Variants in SLC26A8 observed in about 807,000 individuals in gnomAD.
SLC26A8 encodes the protein testis anion transporter 1.
A neutral mutation model predicts 105.0 loss-of-function variants in SLC26A8; 70 were observed. That is an observed-to-expected ratio of 0.67 (90% CI 0.55 to 0.81). The LOEUF is 0.81. Among genes scored for constraint, SLC26A8 ranks in the 40% least tolerant of loss-of-function variants. The probability of loss-of-function intolerance (pLI) is 0.00; values close to 1 mark genes in which losing one functional copy is unlikely to be tolerated. For synonymous variants in SLC26A8, 415 were observed against 438.3 expected (o/e 0.95, Z 0.66); for missense variants, 998 against 1,181.8 (o/e 0.84, Z 2.28).
At chr6:36,007,465 G>A (rs1461500046) in intron 3 of SLC26A8, among the ~76,000 whole-genome samples, 1 of 152,084 alleles carries the variant, frequency 6.6e-6, no homozygotes, top group Admixed American at 6.6e-5. Flanking sequence ...TAAATAAATG[G>A]AGAGACACCA....
At chr6:35,994,575 CTCTT>C (rs1339708751) in intron 5 of SLC26A8, among the ~76,000 whole-genome samples, 5 of 119,082 alleles carry the variant, frequency 4.2e-5, no homozygotes, top group Non-Finnish European at 7.4e-5. Flanking sequence ...TGTGCATCAT[CTCTT>C]TTTTTTTTTT....
At chr6:36,007,558 A>G (rs151133352) in intron 3 of SLC26A8, among the ~76,000 whole-genome samples, 6 of 152,352 alleles carry the variant, frequency 3.9e-5, no homozygotes, top group Admixed American at 3.9e-4. Context: ...ACCTATCAAA[A>G]TCTAAACAAA....
intron 1 of SLC26A8, among the ~76,000 whole-genome samples, chr6:36,021,124 C>T (rs985458166): frequency 6.6e-6 from 1 of 152,080 alleles, no homozygotes; most frequent in Non-Finnish European, 1.5e-5. Context: ...TATTTTTACC[C>T]TCAAAGCATT....
chr6:35,985,608 G>A (rs749623957), intron 7 of SLC26A8, among the ~76,000 whole-genome samples: 4 of 144,816 alleles, frequency 2.8e-5, no homozygotes, highest in Non-Finnish European at 4.5e-5. Flanking sequence ...CAGGAGAATC[G>A]TTTGAACCTG....
chr6:35,953,455 T>C (rs1771948878), intron 17 of SLC26A8, among the ~76,000 whole-genome samples: 1 of 152,194 alleles, frequency 6.6e-6, no homozygotes, highest in African/African-American at 2.4e-5. Context: ...ATGGCCTGTC[T>C]CTCAAGGCAG....
chr6:35,973,465 G>A (rs550273085), intron 10 of SLC26A8, among the ~76,000 whole-genome samples: 4 of 152,216 alleles, frequency 2.6e-5, no homozygotes, highest in Admixed American at 6.5e-5. Flanking sequence ...TGAGGCCTGC[G>A]GGGCCACATG....
At chr6:36,005,810 T>C (rs1361821376) in intron 3 of SLC26A8, among the ~76,000 whole-genome samples, 1 of 152,260 alleles carries the variant, frequency 6.6e-6, no homozygotes, top group Non-Finnish European at 1.5e-5. Flanking sequence ...TAGCATCCAC[T>C]GGGTAGATTT....
At chr6:35,992,406 G>A in intron 6 of SLC26A8, 104 bp downstream of exon 6, 1 of 1,214,740 alleles carries the variant, frequency 8.2e-7, no homozygotes, top group East Asian at 2.4e-5. Context: ...TATAGGCTGT[G>A]TCTCCTTTCA....
intron 9 of SLC26A8, 74 bp from the exon 10 acceptor site, chr6:35,975,562 G>GTT (rs111959068): frequency 0.03 from 17,884 of 602,470 alleles, 1,607 homozygotes; most frequent in African/African-American, 0.27. Flanking sequence ...AAGGCATATG[G>GTT]TTTTTTTTTT....
intron 2 of SLC26A8, among the ~76,000 whole-genome samples, chr6:36,017,848 A>T (rs376098090): frequency 2.6e-5 from 4 of 152,212 alleles, no homozygotes; most frequent in Non-Finnish European, 4.4e-5. Flanking sequence ...CTAATTTTAC[A>T]AAGGACAAAG....
chr6:35,997,433 C>T lies in SLC26A8; in HGVS notation c.627+305G>A, dbSNP rs6908480. Among the ~76,000 whole-genome samples the T allele has an allele frequency of 0.56, 85,267 of 151,978 alleles. 24,269 individuals are homozygous for T. Among genetic ancestry groups the T allele is most frequent in the South Asian group, 0.71 (3,397 of 4,816 alleles). On this transcript the variant is annotated intron_variant, in intron 5 of 19. Transcript: ENST00000490799. ...ATTGTCTTCTTTTGCAACTGGTCCC[C>T]GGTTTCAAAAAGGTTGGGGACCACT...
intron 7 of SLC26A8, among the ~76,000 whole-genome samples, chr6:35,987,129 A>G (rs940033841): frequency 1.3e-5 from 2 of 152,238 alleles, no homozygotes; most frequent in Non-Finnish European, 2.9e-5. Context: ...ACTAGGTAAC[A>G]GTTATAAGAA....
chr6:35,957,451 G>A (rs943995265), intron 16 of SLC26A8, among the ~76,000 whole-genome samples: 2 of 152,038 alleles, frequency 1.3e-5, no homozygotes, highest in Non-Finnish European at 2.9e-5. Context: ...AAGTGGTGTG[G>A]ATAGATGATA....
At chr6:35,977,772 TGTCAACATACGGCTGGGTGCG>T (rs1316283093) in intron 8 of SLC26A8, among the ~76,000 whole-genome samples, 14 of 152,150 alleles carry the variant, frequency 9.2e-5, no homozygotes, top group African/African-American at 3.4e-4. Context: ...CTTTCTATAA[TGTCAACATACGGCTGGGTGCG>T]GTGGCATATG....
At chr6:35,998,338 C>T (rs1354079250) in intron 4 of SLC26A8, among the ~76,000 whole-genome samples, 1 of 151,934 alleles carries the variant, frequency 6.6e-6, no homozygotes, top group African/African-American at 2.4e-5. Flanking sequence ...GGTGGATCAC[C>T]TGAGATCAGG....
chr6:36,018,421 CAT>C (rs1762048141), intron 2 of SLC26A8, among the ~76,000 whole-genome samples: 2 of 152,142 alleles, frequency 1.3e-5, no homozygotes, highest in Admixed American at 6.5e-5. Context: ...AAAAGACAAA[CAT>C]ATTGTATGAT....
rs80036537 is a variant in SLC26A8 at position 35,964,990 on chromosome 6, A to G, written c.1366-2369T>C. On this transcript the variant is annotated intron_variant, in intron 11 of 19. Coordinates refer to ENST00000490799, the MANE Select transcript of SLC26A8 (RefSeq NM_052961.4). ...TCAAAAAAAAAAAAAAGAAAATGGT[A>G]GATGTACAAAATTACTCATTGTTAT... 4.5e-3 allele frequency among the ~76,000 whole-genome samples: 678 copies of G among 151,902 alleles called. 10 individuals are homozygous for G. The highest frequency in any genetic ancestry group is 0.024 in the South Asian group (117 of 4,812).
At position 35,982,097 on chromosome 6, in the gene SLC26A8, A is replaced by G. The variant is rs3800370; in HGVS notation, c.1025+24T>C. ...AGAGGGTATCAGAAAGAGAAAAGCA[A>G]TCTTGAAAAGTGGAATTACTGACCT... On this transcript the variant is annotated intron_variant, in intron 8 of 19. Transcript: ENST00000490799. The G allele has an allele frequency of 1.8e-4, 287 of 1,611,376 alleles. 1 individual carries two copies. The East Asian group carries it at 5.2e-3, about 29-fold the overall frequency.
intron 3 of SLC26A8, among the ~76,000 whole-genome samples, chr6:36,005,515 A>T (rs1030487449): frequency 1.3e-5 from 2 of 152,228 alleles, no homozygotes; most frequent in South Asian, 4.1e-4. Context: ...ACACTCCTCA[A>T]TTTCGGTTTG....
Sources: gnomAD v4.1 joint callset for allele counts (sites outside exome capture counted in the v4.1 genomes callset) on GRCh38, gnomAD v4.1.1 for gene constraint, MANE v1.5 for transcripts, NCBI Gene and HGNC (gene_info 2026-07-23, HGNC 2026-07-21) for gene names.